Variants in CACNA1C observed in about 807,000 individuals in gnomAD.
CACNA1C encodes the protein voltage-dependent L-type calcium channel subunit alpha-1C.
In CACNA1C, 30 loss-of-function variants were observed where a neutral mutation model predicts 229.0. The ratio of observed to expected loss-of-function variants is 0.13; its 90% CI spans 0.10 to 0.18. The LOEUF (loss-of-function observed/expected upper bound fraction) is 0.18, where lower values mean the gene tolerates loss of function less well. CACNA1C is among the 10% of genes least tolerant of loss of function. CACNA1C has a pLI of 1.00. For missense variants in CACNA1C, 1,658 were observed against 2,845.0 expected (o/e 0.58, Z 9.49); for synonymous variants, 1,114 against 1,132.5 (o/e 0.98, Z 0.33).
Position 2,116,138 on chromosome 12 carries a change from A to T in CACNA1C, c.371+593A>T, listed in dbSNP as rs373672463. On this transcript the variant is annotated intron_variant, in intron 2 of 46. Coordinates refer to ENST00000399655, the MANE Select transcript of CACNA1C (RefSeq NM_000719.7). Reference sequence around the variant, plus strand: ...AGTTATAACAAACTACAGACCACTCAGTTCCACCTAGGCATAAAAACAAAC... The same window carrying T: ...AGTTATAACAAACTACAGACCACTCTGTTCCACCTAGGCATAAAAACAAAC... Among the ~76,000 whole-genome samples the T allele has an allele frequency of 1.1e-4, 17 of 152,354 alleles. No homozygotes were observed. The East Asian group carries it at 2.1e-3, about 19-fold the overall frequency.
At chr12:2,267,147 A>T (rs1309397613) in intron 3 of CACNA1C, among the ~76,000 whole-genome samples, 3 of 152,156 alleles carry the variant, frequency 2.0e-5, no homozygotes, top group South Asian at 4.1e-4. Flanking sequence ...TCCAAAGCCC[A>T]GCATGTGCCT....
At chr12:2,550,460 TG>T in intron 10 of CACNA1C, 1 of 1,160,874 alleles carries the variant, frequency 8.6e-7, no homozygotes, top group Non-Finnish European at 1.1e-6. Context: ...AAATGTGACC[TG>T]GGAGAGAAGC....
chr12:2,595,970 G>T lies in CACNA1C; in HGVS notation c.2760G>T (p.Glu920Asp). 6.2e-7 allele frequency: 1 copy of T among 1,613,606 alleles called. No homozygotes were observed. Residue 920 changes from glutamate to aspartate, a missense_variant, in exon 20 of 47, where the codon GAG becomes GAT. Physicochemically the swap from Glu to Asp is conservative, Grantham distance 45. Coordinates refer to ENST00000399655, the MANE Select transcript of CACNA1C (RefSeq NM_000719.7). This position sits in a 1 kb window ranked among gnomAD's most constrained non-coding sequence, Gnocchi z 4.1. ...ILLSSISLAA[E>D]DPVQHTSFRN... The stretch of plus-strand genomic sequence containing the variant: ...TCAGCAGCATTTCCCTGGCTGCTGA[G>T]GACCCGGTCCAGCACACCTCCTTCA...
At position 2,678,506 on chromosome 12, in the gene CACNA1C, G is replaced by A. The variant is rs990618304; in HGVS notation, c.5091+639G>A. ...TCATTTGTGTTGCCTGCCTCACCAC[G>A]CTGGTGTTTGGTTACAAATCCTTCT... On this transcript the variant is annotated intron_variant, in intron 41 of 46. Coordinates refer to ENST00000399655, the MANE Select transcript of CACNA1C (RefSeq NM_000719.7). The surrounding 1 kb of genome is among the most constrained non-coding windows in gnomAD (Gnocchi z 4.1). Among the ~76,000 whole-genome samples the A allele has an allele frequency of 6.6e-6, 1 of 152,176 alleles. No homozygotes were observed. Among genetic ancestry groups the A allele is most frequent in the Non-Finnish European group, 1.5e-5 (1 of 68,032 alleles).
In CACNA1C at chr12:2,646,736, C is replaced by T. The variant is rs190261789; in HGVS notation, c.3913-1739C>T. ...TAGGTGCTTTGCCAAGAAATTTCTT[C>T]TGTGCATGCCTGTATGAGAGAGAGA... On this transcript the variant is annotated intron_variant, in intron 30 of 46. Transcript: ENST00000399655. The surrounding 1 kb of genome is among the most constrained non-coding windows in gnomAD (Gnocchi z 4.6). Among the ~76,000 whole-genome samples the T allele has an allele frequency of 1.7e-3, 249 of 150,504 alleles. 6 individuals are homozygous for T. The highest frequency in any genetic ancestry group is 2.1e-4 in the Non-Finnish European group (14 of 67,766).
chr12:2,201,261 C>G lies in CACNA1C; in HGVS notation c.477+80831C>G, dbSNP rs142283577. Among the ~76,000 whole-genome samples, 481 of 152,298 alleles carry G rather than the reference C, an allele frequency of 3.2e-3. 2 individuals carry two copies. The highest frequency in any genetic ancestry group is 0.011 in the African/African-American group (451 of 41,550). On this transcript the variant is annotated intron_variant, in intron 3 of 46. Coordinates refer to ENST00000399655, the MANE Select transcript of CACNA1C (RefSeq NM_000719.7). ...AGAAGGTGGGGGACCTTCCCCGCAA[C>G]TTAGCCGCAGTTGGAGATTCAATAA...
intron 3 of CACNA1C, among the ~76,000 whole-genome samples, chr12:2,401,378 C>T (rs780388710): frequency 1.3e-5 from 2 of 152,234 alleles, no homozygotes; most frequent in Non-Finnish European, 2.9e-5. Context: ...AATTATTATG[C>T]TCACATTCAT....
At chr12:2,448,264 G>A (rs895378922) in intron 3 of CACNA1C, among the ~76,000 whole-genome samples, 2 of 152,192 alleles carry the variant, frequency 1.3e-5, no homozygotes, top group Non-Finnish European at 2.9e-5. Context: ...AGGAAAGAGA[G>A]GGGCTCTTTC....
At position 2,319,259 on chromosome 12, in the gene CACNA1C, G is replaced by A. The variant is rs1331236589; in HGVS notation, c.478-129717G>A. The stretch of plus-strand genomic sequence containing the variant: ...TTACATGATGTGTAGTGTACATGGG[G>A]GCGGCGTGCATGGTGGGTGGCCTGT... On this transcript the variant is annotated intron_variant, in intron 3 of 46. Coordinates refer to ENST00000399655, the MANE Select transcript of CACNA1C (RefSeq NM_000719.7). The surrounding 1 kb of genome is among the most constrained non-coding windows in gnomAD (Gnocchi z 4.0). 2.0e-5 allele frequency among the ~76,000 whole-genome samples: 3 copies of A among 152,022 alleles called. No homozygotes were observed.
intron 4 of CACNA1C, among the ~76,000 whole-genome samples, chr12:2,456,552 C>G (rs2099424297): frequency 6.6e-6 from 1 of 152,216 alleles, no homozygotes; most frequent in African/African-American, 2.4e-5. Flanking sequence ...GCTGCTGTTC[C>G]TCTAACGCAC....
At chr12:2,244,392 A>G (rs1432389865) in intron 3 of CACNA1C, among the ~76,000 whole-genome samples, 1 of 152,206 alleles carries the variant, frequency 6.6e-6, no homozygotes, top group Non-Finnish European at 1.5e-5. Flanking sequence ...CTAGGCAGGG[A>G]AGGTCCTAAG....
Position 2,595,767 on chromosome 12 carries a change from G to T in CACNA1C, c.2664-107G>T. On this transcript the variant is annotated intron_variant, in intron 19 of 46. Transcript: ENST00000399655. The surrounding 1 kb of genome is among the most constrained non-coding windows in gnomAD (Gnocchi z 4.1). ...GGTCACTTCAGGCCAACAAGCACCT[G>T]TTGCCAGCTGCTGGGGAGAGCTGAG... 2 of 1,062,368 alleles carry T rather than the reference G, an allele frequency of 1.9e-6. No individual in the cohort carries two copies. Among genetic ancestry groups the T allele is most frequent in the Non-Finnish European group, 2.7e-6 (2 of 731,758 alleles). 65.8% of individuals were successfully genotyped at this position (1,062,368 alleles called of 1,614,324 possible). A position where few individuals can be genotyped will look rare whatever the true frequency, so the allele number is the denominator to read the frequency against.
rs1168144240 is a variant in CACNA1C, at chr12:2,678,750, A to C, written c.5092-694A>C. On this transcript the variant is annotated intron_variant, in intron 41 of 46. Coordinates refer to ENST00000399655, the MANE Select transcript of CACNA1C (RefSeq NM_000719.7). This position sits in a 1 kb window ranked among gnomAD's most constrained non-coding sequence, Gnocchi z 4.1. ...TGGCATGGTGGTGACACAACCCGAC[A>C]AGACACCAGAAACCAAAGCCTCAGT... is the stretch of plus-strand genomic sequence containing the variant. Among the ~76,000 whole-genome samples, 1 of 152,156 alleles carries C rather than the reference A, an allele frequency of 6.6e-6. No homozygotes were observed. Among genetic ancestry groups the C allele is most frequent in the Non-Finnish European group, 1.5e-5 (1 of 68,026 alleles).
At chr12:2,462,760 A>G (rs566364340) in intron 5 of CACNA1C, among the ~76,000 whole-genome samples, 1 of 152,266 alleles carries the variant, frequency 6.6e-6, no homozygotes, top group South Asian at 2.1e-4. Context: ...CTTCTGTCTC[A>G]TTTGATCTTC....
At chr12:2,020,616 C>T (rs1404637542) in intron 1 of CACNA1C, 1 of 152,104 alleles carries the variant, frequency 6.6e-6, no homozygotes, top group Non-Finnish European at 1.5e-5. Context: ...TATAAGTACA[C>T]TTGGCTACAA....
intron 1 of CACNA1C, among the ~76,000 whole-genome samples, chr12:2,064,035 T>C (rs61263000): frequency 0.015 from 2,292 of 152,226 alleles, 57 homozygotes; most frequent in African/African-American, 0.052. Context: ...GTAGTGAGGG[T>C]TTGGTATTTA....
At chr12:1,972,119 T>G (rs2032543652) in intron 1 of CACNA1C, among the ~76,000 whole-genome samples, 1 of 152,222 alleles carries the variant, frequency 6.6e-6, no homozygotes, top group Non-Finnish European at 1.5e-5. Context: ...AGGAAGGCAT[T>G]TAAGTTCCCT....
At chr12:2,656,047 C>G (rs924005480) in intron 34 of CACNA1C, among the ~76,000 whole-genome samples, 2 of 152,274 alleles carry the variant, frequency 1.3e-5, no homozygotes, top group East Asian at 1.9e-4. Flanking sequence ...GACAAAGATG[C>G]CCACTCTCAC....
intron 13 of CACNA1C, among the ~76,000 whole-genome samples, chr12:2,577,760 C>G (rs973774325): frequency 4.6e-5 from 7 of 152,224 alleles, no homozygotes; most frequent in Non-Finnish European, 1.0e-4. Context: ...CTGCTTTGGG[C>G]CAGGCACTGT....
Sources: gnomAD v4.1 joint callset for allele counts (sites outside exome capture counted in the v4.1 genomes callset) on GRCh38, gnomAD v4.1.1 for gene constraint, Gnocchi (gnomAD v3.1) non-coding constraint, MANE v1.5 for transcripts, NCBI Gene and HGNC (gene_info 2026-07-23, HGNC 2026-07-21) for gene names.